INSR: variants seen among roughly 807,000 people sequenced by gnomAD.
INSR encodes the protein insulin receptor.
A neutral mutation model predicts 142.6 loss-of-function variants in INSR; 67 were observed. The observed-to-expected ratio is 0.47, with a 90% CI of 0.39 to 0.58. The LOEUF (loss-of-function observed/expected upper bound fraction) is 0.58. Ranked by LOEUF, INSR falls within the 20% of genes least tolerant of loss-of-function variation. INSR has a pLI of 0.00. For synonymous variants in INSR, 756 were observed against 743.1 expected (o/e 1.02, Z -0.28); for missense variants, 1,248 against 1,833.2 (o/e 0.68, Z 5.83).
chr19:7,288,293 G>A (rs1484246024), intron 1 of INSR, among the ~76,000 whole-genome samples: 1 of 152,080 alleles, frequency 6.6e-6, no homozygotes, highest in East Asian at 1.9e-4. Flanking sequence ...TTGAGGCCAG[G>A]AATTCAAGAC....
At chr19:7,200,200 T>A (rs1296329303) in intron 2 of INSR, among the ~76,000 whole-genome samples, 44 of 152,054 alleles carry the variant, frequency 2.9e-4, no homozygotes, top group Non-Finnish European at 8.8e-5. Flanking sequence ...CATTTGGGGG[T>A]CATTTTTCTG....
At chr19:7,245,771 C>T (rs568777952) in intron 2 of INSR, among the ~76,000 whole-genome samples, 18 of 152,108 alleles carry the variant, frequency 1.2e-4, no homozygotes, top group South Asian at 6.2e-4. Context: ...AAAAACAAAA[C>T]GACAACAAAA....
chr19:7,191,219 C>G (rs1471759507), intron 2 of INSR, among the ~76,000 whole-genome samples: 2 of 151,956 alleles, frequency 1.3e-5, no homozygotes, highest in Non-Finnish European at 2.9e-5. Context: ...ATTGCTTGAA[C>G]CCGGGAGGCG....
intron 3 of INSR, among the ~76,000 whole-genome samples, chr19:7,179,676 G>A (rs1447283871): frequency 6.6e-6 from 1 of 152,196 alleles, no homozygotes; most frequent in Non-Finnish European, 1.5e-5. Flanking sequence ...CGCTGCAAAG[G>A]CAGAGTTAAG....
At chr19:7,264,214 T>C in intron 2 of INSR, among the ~76,000 whole-genome samples, 1 of 148,526 alleles carries the variant, frequency 6.7e-6, no homozygotes, top group East Asian at 2.0e-4. Flanking sequence ...ACACCTGTAA[T>C]CCCAGCTACT....
At chr19:7,152,435 G>A in intron 10 of INSR, 1 of 459,342 alleles carries the variant, frequency 2.2e-6, no homozygotes, top group Non-Finnish European at 4.0e-6. Context: ...GTCTAACGGA[G>A]TTTGTTTTGG....
rs151047340 is a variant in INSR at position 7,117,459 on chromosome 19, G to A, written c.3795-49C>T. Reference sequence around the variant, plus strand: ...TGGGTGAGTCTGGGGGCCCTGCCACGCATCCTCCCAAACCCCCACTCTTGT... The same window carrying A: ...TGGGTGAGTCTGGGGGCCCTGCCACACATCCTCCCAAACCCCCACTCTTGT... On this transcript the variant is annotated intron_variant, in intron 21 of 21. Coordinates refer to ENST00000302850, the MANE Select transcript of INSR (RefSeq NM_000208.4). The A allele has an allele frequency of 8.1e-4, 1,145 of 1,418,348 alleles. 3 individuals are homozygous for A. Among genetic ancestry groups the A allele is most frequent in the Middle Eastern group, 5.8e-3 (31 of 5,388 alleles). The allele number at this position is 1,418,348 out of a possible 1,614,324, so 87.9% of individuals were successfully genotyped here. A position where few individuals can be genotyped will look rare whatever the true frequency, so the allele number is the denominator to read the frequency against.
intron 13 of INSR, among the ~76,000 whole-genome samples, chr19:7,141,312 C>T (rs1297551212): frequency 6.6e-6 from 1 of 152,142 alleles, no homozygotes; most frequent in Non-Finnish European, 1.5e-5. Context: ...GCCTCGGCCT[C>T]CCAAAGTGCT....
At chr19:7,176,693 C>T (rs926445699) in intron 3 of INSR, among the ~76,000 whole-genome samples, 3 of 152,158 alleles carry the variant, frequency 2.0e-5, no homozygotes, top group Non-Finnish European at 4.4e-5. Flanking sequence ...CTTTCCGCCA[C>T]GATTGTAAGT....
At position 7,140,053 on chromosome 19, in the gene INSR, C is replaced by T. The variant is rs370205264; in HGVS notation, c.2682+1624G>A. Among the ~76,000 whole-genome samples the T allele has an allele frequency of 7.9e-5, 12 of 152,286 alleles. No homozygotes were observed. The South Asian group carries it at 2.5e-3, about 32-fold the overall frequency. ...ATGTTGGCCAGGCTGGTCTTGAACT[C>T]CTGACCTCAACCCTGTTGCACATTC... On this transcript the variant is annotated intron_variant, in intron 13 of 21. Coordinates refer to ENST00000302850, the MANE Select transcript of INSR (RefSeq NM_000208.4).
At chr19:7,292,601 A>G (rs1968527492) in intron 1 of INSR, among the ~76,000 whole-genome samples, 1 of 152,086 alleles carries the variant, frequency 6.6e-6, no homozygotes, top group Non-Finnish European at 1.5e-5. Flanking sequence ...AAGAGCTTCA[A>G]TTCCTTCCCT....
At chr19:7,272,252 G>A (rs1053282335) in intron 1 of INSR, among the ~76,000 whole-genome samples, 2 of 151,818 alleles carry the variant, frequency 1.3e-5, no homozygotes, top group Non-Finnish European at 2.9e-5. Flanking sequence ...GTTTCAGTGA[G>A]CCAAGATTGC....
rs915284586 is a variant in INSR at position 7,216,415 on chromosome 19, G to A, written c.653-31778C>T. On this transcript the variant is annotated intron_variant, in intron 2 of 21. Coordinates refer to ENST00000302850, the MANE Select transcript of INSR (RefSeq NM_000208.4). The surrounding 1 kb of genome is among the most constrained non-coding windows in gnomAD (Gnocchi z 4.2). The stretch of plus-strand genomic sequence containing the variant: ...GTCTTGGACCTCCGTGATGTTATGC[G>A]GTACAAATGAGACGGCCCCTGAACT... Among the ~76,000 whole-genome samples, 13 of 152,168 alleles carry A rather than the reference G, an allele frequency of 8.5e-5. No individual in the cohort carries two copies. Among genetic ancestry groups the A allele is most frequent in the East Asian group, 1.9e-4 (1 of 5,198 alleles).
At chr19:7,274,097 G>A (rs1273238443) in intron 1 of INSR, among the ~76,000 whole-genome samples, 1 of 151,964 alleles carries the variant, frequency 6.6e-6, no homozygotes, top group Non-Finnish European at 1.5e-5. Flanking sequence ...TTGGCACCAG[G>A]GACCAATGGT....
intron 2 of INSR, among the ~76,000 whole-genome samples, chr19:7,222,876 G>A (rs906684169): frequency 1.3e-5 from 2 of 152,164 alleles, no homozygotes; most frequent in Non-Finnish European, 2.9e-5. Context: ...CAAAGAGGGA[G>A]GCCAGTGAAA....
rs575292322 is a variant in INSR at position 7,267,430 on chromosome 19, G to A, written c.567C>T (p.Thr189=). The change falls in exon 2 of 22, where the codon ACC becomes ACT. Residue 189 remains threonine, a synonymous_variant. Coordinates refer to ENST00000302850, the MANE Select transcript of INSR (RefSeq NM_000208.4). The surrounding 1 kb of genome is among the most constrained non-coding windows in gnomAD (Gnocchi z 6.3). The part of the protein sequence containing the change: ...NEECGDICPG[T]AKGKTNCPAT... The stretch of plus-strand genomic sequence containing the variant: ...CGGGGCAGTTGGTCTTGCCCTTCGC[G>A]GTACCCGGACAGATGTCTCCACACT... 3 of 1,614,048 alleles carry A rather than the reference G, an allele frequency of 1.9e-6. No homozygotes were observed. Among genetic ancestry groups the A allele is most frequent in the South Asian group, 1.1e-5 (1 of 91,072 alleles).
chr19:7,152,702 G>A (rs757668806), intron 10 of INSR, 24 bp downstream of exon 10: 4 of 1,599,970 alleles, frequency 2.5e-6, no homozygotes, highest in Admixed American at 3.3e-5. Context: ...CACCCACTAA[G>A]AGAGCCCAGC....
chr19:7,127,240 T>G (rs961401562), intron 15 of INSR, among the ~76,000 whole-genome samples: 1 of 152,128 alleles, frequency 6.6e-6, no homozygotes, highest in South Asian at 2.1e-4. Flanking sequence ...CATGTAACAC[T>G]TAAAAGCCAC....
chr19:7,153,342 C>CAT (rs1973481028), intron 9 of INSR, among the ~76,000 whole-genome samples: 1 of 26,516 alleles, frequency 3.8e-5, no homozygotes, highest in African/African-American at 7.2e-5. Flanking sequence ...CCACGCCACA[C>CAT]ACCACAGACC....
Sources: allele counts gnomAD v4.1 joint callset (sites outside exome capture counted in the v4.1 genomes callset), GRCh38; gene constraint gnomAD v4.1.1; non-coding constraint Gnocchi (gnomAD v3.1); transcripts MANE v1.5; gene names NCBI Gene and HGNC (gene_info 2026-07-23, HGNC 2026-07-21).